BRCA2: variants seen among roughly 807,000 people sequenced by gnomAD.
BRCA2 encodes the protein BRCA2 DNA repair associated.
In BRCA2, 203 loss-of-function variants were observed where a neutral mutation model predicts 276.7. The observed-to-expected ratio is 0.73, with a 90% CI of 0.65 to 0.82. The LOEUF (loss-of-function observed/expected upper bound fraction) is 0.82. Ranked by LOEUF, BRCA2 falls within the 40% of genes least tolerant of loss-of-function variation. The pLI, the probability that BRCA2 is intolerant of heterozygous loss-of-function variation, is 0.00. For missense variants in BRCA2, 3,920 were observed against 3,915.0 expected, an observed-to-expected ratio of 1.00 and a Z score of -0.03; for synonymous variants, 1,289 against 1,338.4, an observed-to-expected ratio of 0.96 and a Z score of 0.81.
In BRCA2 at chr13:32,353,080, T is replaced by G. The variant is rs11571703; in HGVS notation, c.7008-1781T>G. On this transcript the variant is annotated intron_variant, in intron 13 of 26. Transcript: ENST00000380152. ...TTAGATCTCATCTAGATCACCTGTT[T>G]GAAGAAATCATTCCAGCAATTATCT... Among the ~76,000 whole-genome samples, 407 of 152,364 alleles carry G rather than the reference T, an allele frequency of 2.7e-3. 2 individuals are homozygous for G. The highest frequency in any genetic ancestry group is 9.3e-3 in the African/African-American group (387 of 41,594).
chr13:32,324,137 G>C (rs1369042209), intron 3 of BRCA2, among the ~76,000 whole-genome samples: 5 of 152,142 alleles, frequency 3.3e-5, no homozygotes, highest in Non-Finnish European at 7.3e-5. Flanking sequence ...CTCTACCTCA[G>C]ATTGCTCACA....
intron 18 of BRCA2, 128 bp from the exon 19 acceptor site, chr13:32,370,274 T>C: frequency 1.2e-6 from 1 of 865,276 alleles, no homozygotes. Context: ...GTCTTACTAA[T>C]CTTCCTAAGA....
intron 22 of BRCA2, 23 bp from the exon 23 acceptor site, chr13:32,379,727 C>T (rs750340838): frequency 1.2e-6 from 2 of 1,601,592 alleles, no homozygotes; most frequent in Non-Finnish European, 8.6e-7. Context: ...TCCATTGCAT[C>T]TTTCTCATCT....
At position 32,339,228 on chromosome 13, in the gene BRCA2, GAA is replaced by G. The variant is rs80359470; in HGVS notation, c.4876_4877del (p.Asn1626SerfsTer12). 29 of 1,612,998 alleles carry G rather than the reference GAA, an allele frequency of 1.8e-5. No homozygotes were observed. The highest frequency in any genetic ancestry group is 2.3e-5 in the Non-Finnish European group (27 of 1,179,534). Reference sequence around the variant, plus strand: ...AAGTGATAATTTATGTAGACAAACTGAAAATCTCAAAACATCAAAAAGTATCT... The same window carrying G: ...AAGTGATAATTTATGTAGACAAACTGAATCTCAAAACATCAAAAAGTATCT... ...LLSDNLCRQT[E>X]NLKTSKSIFL... On this transcript the variant is annotated frameshift_variant, in exon 11 of 27. Coordinates refer to ENST00000380152, the MANE Select transcript of BRCA2 (RefSeq NM_000059.4). LOFTEE classifies it high-confidence loss of function.
At position 32,340,014 on chromosome 13, in the gene BRCA2, A is replaced by G. The variant is rs786202618; in HGVS notation, c.5659A>G (p.Thr1887Ala). Residue 1887 changes from threonine to alanine, a missense_variant, in exon 11 of 27, where the codon ACG becomes GCG. Thr to Ala is a moderately conservative substitution (Grantham distance 58). Coordinates refer to ENST00000380152, the MANE Select transcript of BRCA2 (RefSeq NM_000059.4). ...NNENKSKICQ[T>A]KIMAGCYEAL... ...CGAGAATAAATCAAAAATTTGCCAA[A>G]CGAAAATTATGGCAGGTTGTTACGA... The G allele has an allele frequency of 1.2e-6, 2 of 1,613,072 alleles. No homozygotes were observed. The highest frequency in any genetic ancestry group is 1.7e-6 in the Non-Finnish European group (2 of 1,179,706).
rs1593886129 is a variant in BRCA2, at chr13:32,325,196, C to T, written c.425+12C>T. 1 of 1,484,376 alleles carries T rather than the reference C, an allele frequency of 6.7e-7. No individual in the cohort carries two copies. The highest frequency in any genetic ancestry group is 9.4e-7 in the Non-Finnish European group (1 of 1,067,160). The allele number at this position is 1,484,376 out of a possible 1,614,324, so 92.0% of individuals were successfully genotyped here. Reference sequence around the variant, plus strand: ...TGTCTTAGTGAAAGGTATGATGAAGCTATTATATTAAAATATTTAAATGAA... The same window carrying T: ...TGTCTTAGTGAAAGGTATGATGAAGTTATTATATTAAAATATTTAAATGAA... On this transcript the variant is annotated intron_variant, in intron 4 of 26. Transcript: ENST00000380152.
At position 32,338,923 on chromosome 13, in the gene BRCA2, G is replaced by T. The variant is rs879255451; in HGVS notation, c.4568G>T (p.Gly1523Val). The T allele has an allele frequency of 4.3e-6, 7 of 1,613,890 alleles. No individual in the cohort carries two copies. In the South Asian group the frequency reaches 7.7e-5, roughly 18 times the overall value. Residue 1523 changes from glycine (G) to valine (V), a missense_variant, in exon 11 of 27, where the codon GGT (glycine) becomes GTT (valine). Around this residue, in one of 2 missense-constraint regions of BRCA2, gnomAD observed 3,263 missense variants for 3,156.9 expected, o/e 1.03. Transcript: ENST00000380152. Reference sequence around the variant, plus strand: ...AAGATCAAAGAACCTACTCTATTGGGTTTTCATACAGCTAGCGGGAAAAAA... The same window carrying T: ...AAGATCAAAGAACCTACTCTATTGGTTTTTCATACAGCTAGCGGGAAAAAA... The part of the protein sequence containing the change: ...DEKIKEPTLL[G>V]FHTASGKKVK...
intron 24 of BRCA2, among the ~76,000 whole-genome samples, chr13:32,394,185 C>G (rs1263553746): frequency 2.0e-5 from 3 of 152,282 alleles, no homozygotes; most frequent in South Asian, 2.1e-4. Context: ...TTATCCAACT[C>G]TATCCTGTAT....
At chr13:32,324,800 G>A (rs1041272094) in intron 3 of BRCA2, among the ~76,000 whole-genome samples, 1 of 152,032 alleles carries the variant, frequency 6.6e-6, no homozygotes, top group African/African-American at 2.4e-5. Flanking sequence ...TTTCTTTGTA[G>A]AGGCAGAGTC....
intron 11 of BRCA2, among the ~76,000 whole-genome samples, chr13:32,341,737 G>A (rs773032): frequency 2.0e-5 from 3 of 151,312 alleles, no homozygotes; most frequent in Non-Finnish European, 3.0e-5. Flanking sequence ...GCGTAGTGGC[G>A]GGCGCCTGTA....
chr13:32,375,542 T>A, intron 20 of BRCA2: 1 of 237,036 alleles, frequency 4.2e-6, no homozygotes, highest in Non-Finnish European at 8.5e-6. Flanking sequence ...CTATGGCAGC[T>A]ATTCTTTATA....
intron 4 of BRCA2, among the ~76,000 whole-genome samples, chr13:32,325,386 G>A (rs1227255490): frequency 6.6e-6 from 1 of 152,120 alleles, no homozygotes; most frequent in African/African-American, 2.4e-5. Context: ...TTGTTCTTGT[G>A]ATGTTGAATT....
In BRCA2 at chr13:32,338,903, C is replaced by G. The variant is rs886037815; in HGVS notation, c.4548C>G (p.Ile1516Met). The change falls in exon 11 of 27, where the codon ATC becomes ATG. Residue 1516 changes from isoleucine to methionine, a missense_variant. Ile to Met is a conservative substitution (Grantham distance 10, BLOSUM62 1). Around this residue, in one of 2 missense-constraint regions of BRCA2, gnomAD observed 3,263 missense variants for 3,156.9 expected, o/e 1.03. Transcript: ENST00000380152. ...GACAACCCGAACGTGATGAAAAGAT[C>G]AAAGAACCTACTCTATTGGGTTTTC... ...FQGQPERDEK[I>M]KEPTLLGFHT... The G allele has an allele frequency of 6.2e-7, 1 of 1,613,872 alleles. No individual in the cohort carries two copies. Among genetic ancestry groups the G allele is most frequent in the South Asian group, 1.1e-5 (1 of 91,064 alleles).
In BRCA2 at chr13:32,399,519, A is replaced by C; in HGVS notation, c.*749A>C. On this transcript the variant is annotated 3_prime_UTR_variant, in exon 27 of 27. Coordinates refer to ENST00000380152, the MANE Select transcript of BRCA2 (RefSeq NM_000059.4). ...AGTGTAACTCTAATTCCTTTTTACT[A>C]TTCCAGTGTGATCTCTGAAATTAAA... 1 of 183,284 alleles carries C rather than the reference A, an allele frequency of 5.5e-6. No individual in the cohort carries two copies. Among genetic ancestry groups the C allele is most frequent in the East Asian group, 8.9e-5 (1 of 11,240 alleles). The allele number at this position is 183,284 out of a possible 1,614,324, so 11.4% of individuals were successfully genotyped here.
In BRCA2 at chr13:32,341,105, A is replaced by G. The variant is rs864622449; in HGVS notation, c.6750A>G (p.Thr2250=). Residue 2250 remains threonine (T), a synonymous_variant, in exon 11 of 27, where the codon ACA becomes ACG. Coordinates refer to ENST00000380152, the MANE Select transcript of BRCA2 (RefSeq NM_000059.4). The part of the protein sequence containing the change: ...LTDSKLPSHA[T]HSLFTCPENE... ...ATTCTAAACTGCCAAGTCATGCCAC[A>G]CATTCTCTTTTTACATGTCCCGAAA... 2.6e-5 allele frequency: 42 copies of G among 1,613,978 alleles called. No individual in the cohort carries two copies. The highest frequency in any genetic ancestry group is 3.6e-5 in the Non-Finnish European group (42 of 1,179,926).
In BRCA2 at chr13:32,339,406, C is replaced by G. The variant is rs80358729; in HGVS notation, c.5051C>G (p.Thr1684Ser). 4.4e-6 allele frequency: 7 copies of G among 1,595,694 alleles called. No individual in the cohort carries two copies. The highest frequency in any genetic ancestry group is 5.1e-6 in the Non-Finnish European group (6 of 1,172,342). Reference sequence around the variant, plus strand: ...AGTAGAAAAACTTCTGTGAGTCAGACTTCATTACTTGAAGCAAAAAAATGG... The same window carrying G: ...AGTAGAAAAACTTCTGTGAGTCAGAGTTCATTACTTGAAGCAAAAAAATGG... Reference protein sequence around the residue: ...SCSRKTSVSQTSLLEAKKWLR... With the variant: ...SCSRKTSVSQSSLLEAKKWLR... Residue 1684 changes from threonine (T) to serine (S), a missense_variant, in exon 11 of 27, where the codon ACT becomes AGT. Thr to Ser is a moderately conservative substitution (Grantham distance 58). This residue lies in a region of BRCA2 where 3,263 missense variants were observed against 3,156.9 expected (regional missense o/e 1.03). Coordinates refer to ENST00000380152, the MANE Select transcript of BRCA2 (RefSeq NM_000059.4).
chr13:32,339,067 A>T lies in BRCA2; in HGVS notation c.4712A>T (p.Glu1571Val), dbSNP rs766833528. The change falls in exon 11 of 27, where the codon GAG (glutamate) becomes GTG (valine). Residue 1571 changes from glutamate (E) to valine (V), a missense_variant. Glu to Val is a moderately radical substitution (Grantham distance 121). Around this residue, in one of 2 missense-constraint regions of BRCA2, gnomAD observed 3,263 missense variants for 3,156.9 expected, o/e 1.03. Transcript: ENST00000380152. Reference sequence around the variant, plus strand: ...TGGGCAAAGACCCTAAAGTACAGAGAGGCCTGTAAAGACCTTGAATTAGCA... The same window carrying T: ...TGGGCAAAGACCCTAAAGTACAGAGTGGCCTGTAAAGACCTTGAATTAGCA... ...HQWAKTLKYR[E>V]ACKDLELACE... 1 of 1,614,032 alleles carries T rather than the reference A, an allele frequency of 6.2e-7. No homozygotes were observed. Among genetic ancestry groups the T allele is most frequent in the East Asian group, 2.2e-5 (1 of 44,872 alleles).
chr13:32,343,669 G>C (rs1467354202), intron 11 of BRCA2, among the ~76,000 whole-genome samples: 1 of 151,534 alleles, frequency 6.6e-6, no homozygotes, highest in Non-Finnish European at 1.5e-5. Flanking sequence ...AACCCATTCT[G>C]TTCTTGTGCA....
chr13:32,391,469 G>C (rs1219434740), intron 24 of BRCA2, among the ~76,000 whole-genome samples: 1 of 152,204 alleles, frequency 6.6e-6, no homozygotes, highest in African/African-American at 2.4e-5. Flanking sequence ...TTCGACAGAG[G>C]GCAAGTCCAG....
Sources: gnomAD v4.1 joint callset for allele counts (sites outside exome capture counted in the v4.1 genomes callset) on GRCh38, gnomAD v4.1.1 for gene constraint, gnomAD v4.1.1 regional missense constraint, MANE v1.5 for transcripts, NCBI Gene and HGNC (gene_info 2026-07-23, HGNC 2026-07-21) for gene names.